DENND5B: variants seen among roughly 807,000 people sequenced by gnomAD.
DENND5B encodes DENN domain-containing protein 5B.
In DENND5B, 34 loss-of-function variants were observed where a neutral mutation model predicts 140.6. That is an observed-to-expected ratio of 0.24 (90% confidence interval 0.18 to 0.32). The LOEUF is 0.32. Among genes scored for constraint, DENND5B ranks in the 10% least tolerant of loss-of-function variants. DENND5B has a pLI of 1.00. For missense variants in DENND5B, 1,142 were observed against 1,560.2 expected (o/e 0.73, Z 4.52); for synonymous variants, 551 against 562.1 (o/e 0.98, Z 0.28).
chr12:31,387,653 C>T lies in DENND5B; in HGVS notation c.3775G>A (p.Asp1259Asn). Residue 1259 changes from aspartate to asparagine, a missense_variant, in exon 21 of 21, where the codon GAC becomes AAC. Around this residue, in one of 5 missense-constraint regions of DENND5B, gnomAD observed 125 missense variants for 179.0 expected, o/e 0.70. Transcript: ENST00000389082. The part of the protein sequence containing the change: ...SLIRILQTIQ[D>N]FTIVLEGSLI... ...GATCCTTCTAGGACTATGGTGAAGT[C>T]CTGAATGGTCTGCAGAATTCGGATA... is the stretch of plus-strand genomic sequence containing the variant. 1 of 1,614,050 alleles carries T rather than the reference C, an allele frequency of 6.2e-7. No individual in the cohort carries two copies. Among genetic ancestry groups the T allele is most frequent in the Non-Finnish European group, 8.5e-7 (1 of 1,179,906 alleles).
chr12:31,455,879 C>T (rs1364219405), intron 4 of DENND5B, among the ~76,000 whole-genome samples: 1 of 151,862 alleles, frequency 6.6e-6, no homozygotes, highest in Non-Finnish European at 1.5e-5. Context: ...ATAAGCTGGG[C>T]GTAGTGGCAG....
chr12:31,484,467 C>A (rs990197958), intron 2 of DENND5B, among the ~76,000 whole-genome samples: 2 of 151,998 alleles, frequency 1.3e-5, no homozygotes, highest in African/African-American at 4.8e-5. Context: ...TGGAAAAACT[C>A]GGTAAGTGGG....
chr12:31,430,062 G>A (rs1943439861), intron 8 of DENND5B, among the ~76,000 whole-genome samples: 1 of 151,464 alleles, frequency 6.6e-6, no homozygotes, highest in African/African-American at 2.4e-5. Flanking sequence ...TTGGTCTGCT[G>A]CCCAGGCTGG....
At chr12:31,451,472 C>T (rs532033784) in intron 5 of DENND5B, among the ~76,000 whole-genome samples, 104 of 152,070 alleles carry the variant, frequency 6.8e-4, no homozygotes, top group African/African-American at 2.3e-3. Flanking sequence ...TACAGGTGTG[C>T]GCCACCACGC....
Position 31,485,465 on chromosome 12 carries a change from G to T in DENND5B, c.238-5210C>A, listed in dbSNP as rs147309631. On this transcript the variant is annotated intron_variant, in intron 2 of 20. Transcript: ENST00000389082. ...TTGGCAAAAATGTGTTGATTGTAAT[G>T]GTTCTTATTTTGATTAATAAGGATG... 3.7e-3 allele frequency among the ~76,000 whole-genome samples: 567 copies of T among 152,332 alleles called. 5 individuals carry two copies. The highest frequency in any genetic ancestry group is 0.013 in the African/African-American group (534 of 41,570).
intron 1 of DENND5B, among the ~76,000 whole-genome samples, chr12:31,528,653 T>C (rs374275830): frequency 6.6e-6 from 1 of 152,170 alleles, no homozygotes. Flanking sequence ...TGCAAGGCTT[T>C]TGAGAGACTG....
intron 1 of DENND5B, among the ~76,000 whole-genome samples, chr12:31,566,446 T>C (rs1949634766): frequency 6.6e-6 from 1 of 151,940 alleles, no homozygotes; most frequent in African/African-American, 2.4e-5. Flanking sequence ...GATATATATA[T>C]ATTAAAATTA....
intron 1 of DENND5B, among the ~76,000 whole-genome samples, chr12:31,566,277 A>G (rs2139363235): frequency 6.6e-6 from 1 of 152,144 alleles, no homozygotes. Context: ...CTGTAATCAC[A>G]TCTGTGAATA....
chr12:31,454,812 CTTTTTTTTT>C (rs201720111), intron 4 of DENND5B, among the ~76,000 whole-genome samples: 5 of 93,882 alleles, frequency 5.3e-5, no homozygotes, highest in African/African-American at 2.8e-4. Flanking sequence ...GATTCAGTAT[CTTTTTTTTT>C]TTTTTTTTTT....
chr12:31,394,332 C>T (rs1333069444), intron 17 of DENND5B, among the ~76,000 whole-genome samples: 3 of 151,832 alleles, frequency 2.0e-5, no homozygotes, highest in African/African-American at 2.4e-5. Flanking sequence ...GTCATTTAGA[C>T]TTTTCTGCTT....
intron 8 of DENND5B, among the ~76,000 whole-genome samples, chr12:31,428,379 C>T (rs1943342792): frequency 6.6e-6 from 1 of 151,828 alleles, no homozygotes; most frequent in African/African-American, 2.4e-5. Flanking sequence ...AAGAAGTATA[C>T]ATAAATGTTA....
chr12:31,505,819 T>TTTAA lies in DENND5B; in HGVS notation c.128-9904_128-9901dup, dbSNP rs747533658. 2.8e-4 allele frequency among the ~76,000 whole-genome samples: 42 copies of TTTAA among 152,162 alleles called. 1 individual carries two copies. The highest frequency in any genetic ancestry group is 2.5e-3 in the South Asian group (12 of 4,822). On this transcript the variant is annotated intron_variant, in intron 1 of 20. Transcript: ENST00000389082. The stretch of plus-strand genomic sequence containing the variant: ...AAATCCAGGTAATATTAAAGTTTAT[T>TTTAA]TTAATTAATTAATTAATTAATTGTT...
At position 31,486,872 on chromosome 12, in the gene DENND5B, A is replaced by T. The variant is rs145874742; in HGVS notation, c.238-6617T>A. On this transcript the variant is annotated intron_variant, in intron 2 of 20. Coordinates refer to ENST00000389082, the MANE Select transcript of DENND5B (RefSeq NM_144973.4). The stretch of plus-strand genomic sequence containing the variant: ...AAGTATTTATTGTGGAGAAGCAATT[A>T]AAGTCTTGCACCACTGTAAACATAT... 2.2e-3 allele frequency among the ~76,000 whole-genome samples: 332 copies of T among 152,356 alleles called. 3 individuals are homozygous for T. Among genetic ancestry groups the T allele is most frequent in the African/African-American group, 7.2e-3 (300 of 41,574 alleles).
intron 3 of DENND5B, among the ~76,000 whole-genome samples, chr12:31,467,978 G>A (rs924925486): frequency 2.6e-5 from 4 of 152,078 alleles, no homozygotes; most frequent in Non-Finnish European, 4.4e-5. Context: ...AACTAGCCAG[G>A]TATGATGGCT....
chr12:31,532,713 A>C (rs1045878528), intron 1 of DENND5B, among the ~76,000 whole-genome samples: 8 of 152,214 alleles, frequency 5.3e-5, no homozygotes, highest in African/African-American at 1.9e-4. Flanking sequence ...GGAAAAATAA[A>C]GTATTCAGAA....
At chr12:31,462,117 G>T (rs1945045553) in intron 3 of DENND5B, among the ~76,000 whole-genome samples, 1 of 152,088 alleles carries the variant, frequency 6.6e-6, no homozygotes. Flanking sequence ...AACACCAGGT[G>T]GCCTAAAAGG....
At chr12:31,567,824 C>A (rs1421802176) in intron 1 of DENND5B, among the ~76,000 whole-genome samples, 4 of 152,144 alleles carry the variant, frequency 2.6e-5, no homozygotes, top group African/African-American at 9.7e-5. Flanking sequence ...TAAAAAACAA[C>A]AACAACAAAA....
chr12:31,457,718 C>CTT (rs772159819), intron 4 of DENND5B, among the ~76,000 whole-genome samples: 4 of 144,212 alleles, frequency 2.8e-5, no homozygotes, highest in Non-Finnish European at 4.6e-5. Flanking sequence ...ATTTTCTTTT[C>CTT]TTTTTTTTTT....
intron 1 of DENND5B, among the ~76,000 whole-genome samples, chr12:31,520,600 GTGT>G (rs1947838839): frequency 6.6e-6 from 1 of 152,044 alleles, no homozygotes. Flanking sequence ...GAGTACAGTG[GTGT>G]GATCTCAGCT....
Sources: gnomAD v4.1 joint callset for allele counts (sites outside exome capture counted in the v4.1 genomes callset) on GRCh38, gnomAD v4.1.1 for gene constraint, gnomAD v4.1.1 regional missense constraint, MANE v1.5 for transcripts, NCBI Gene and HGNC (gene_info 2026-07-23, HGNC 2026-07-21) for gene names.